The following NPAS1 variants were observed in gnomAD, a reference collection of about 807,000 sequenced individuals.
NPAS1 encodes neuronal PAS domain-containing protein 1.
Under a neutral mutation model 49.2 loss-of-function variants are expected in NPAS1, and 29 were observed. The observed-to-expected ratio is 0.59, with a 90% CI of 0.44 to 0.80. The LOEUF is 0.80. Among genes scored for constraint, NPAS1 ranks in the 30% least tolerant of loss-of-function variants. The pLI is 0.00. For synonymous variants in NPAS1, 408 were observed against 380.4 expected (o/e 1.07, Z -0.84); for missense variants, 825 against 835.5 (o/e 0.99, Z 0.15).
Position 47,038,946 on chromosome 19 carries a change from T to C in NPAS1, c.689-90T>C, listed in dbSNP as rs2056989582. ...CGGCCGTGGCCCAGCGGACATCTTG[T>C]GTCTATGTCCGGCTGGCTCTGCAAG... On this transcript the variant is annotated intron_variant, in intron 6 of 11. Coordinates refer to ENST00000602212, the MANE Select transcript of NPAS1 (RefSeq NM_002517.4). 5.5e-6 allele frequency: 6 copies of C among 1,088,414 alleles called. No homozygotes were observed. The Admixed American group carries it at 8.9e-5, about 16-fold the overall frequency. 67.4% of individuals were successfully genotyped at this position (1,088,414 alleles called of 1,614,324 possible). A position where few individuals can be genotyped will look rare whatever the true frequency, so the allele number is the denominator to read the frequency against.
At position 47,021,922 on chromosome 19, in the gene NPAS1, G is replaced by T; in HGVS notation, c.358+75G>T. ...CACTGCAGCCCAGATCCGGGCTGCGGGCCTGCCCTCGCCCAGATGCTTGTC... is the reference window on the plus strand; with the variant it reads ...CACTGCAGCCCAGATCCGGGCTGCGTGCCTGCCCTCGCCCAGATGCTTGTC... On this transcript the variant is annotated intron_variant, in intron 3 of 11. Transcript: ENST00000602212. This position sits in a 1 kb window ranked among gnomAD's most constrained non-coding sequence, Gnocchi z 5.7. 1.0e-6 allele frequency: 1 copy of T among 999,742 alleles called. No homozygotes were observed. Among genetic ancestry groups the T allele is most frequent in the Non-Finnish European group, 1.4e-6 (1 of 733,726 alleles). 61.9% of individuals were successfully genotyped at this position (999,742 alleles called of 1,614,324 possible). A position where few individuals can be genotyped will look rare whatever the true frequency, so the allele number is the denominator to read the frequency against.
At chr19:47,040,869 G>A in intron 9 of NPAS1, 109 bp from the exon 10 acceptor site, 2 of 914,108 alleles carry the variant, frequency 2.2e-6, no homozygotes, top group Admixed American at 3.1e-5. Context: ...CCGTCTCCCT[G>A]CCCACTCCCC....
At chr19:47,044,503 C>T (rs2057054526) in intron 11 of NPAS1, among the ~76,000 whole-genome samples, 1 of 152,250 alleles carries the variant, frequency 6.6e-6, no homozygotes, top group African/African-American at 2.4e-5. Context: ...ATTTCCATTA[C>T]CACAGAAAGC....
rs778680091 is a variant in NPAS1, at chr19:47,045,204, G to A, written c.1326G>A (p.Pro442=). 1.6e-5 allele frequency: 26 copies of A among 1,613,416 alleles called. No individual in the cohort carries two copies. Among genetic ancestry groups the A allele is most frequent in the Non-Finnish European group, 2.0e-5 (24 of 1,179,882 alleles). The change falls in exon 12 of 12, where the codon CCG becomes CCA. Residue 442 remains proline (P), a synonymous_variant. Coordinates refer to ENST00000602212, the MANE Select transcript of NPAS1 (RefSeq NM_002517.4). ...TTCCTCTTCCAGAGCCGGAGCCTCC[G>A]ACGGAAGGGAAGCAGGCTGCCCCAG... ...PGPEPTEPEP[P]TEGKQAAPAE...
At position 47,022,445 on chromosome 19, in the gene NPAS1, A is replaced by G. The variant is rs895836844; in HGVS notation, c.358+598A>G. Among the ~76,000 whole-genome samples the G allele has an allele frequency of 5.3e-5, 8 of 152,338 alleles. No individual in the cohort carries two copies. In the South Asian group the frequency reaches 1.7e-3, roughly 32 times the overall value. On this transcript the variant is annotated intron_variant, in intron 3 of 11. Coordinates refer to ENST00000602212, the MANE Select transcript of NPAS1 (RefSeq NM_002517.4). The stretch of plus-strand genomic sequence containing the variant: ...TCTCTGTGCCTTAATGTGAAGTGGG[A>G]AAAAACGGTCCAACCTCCCCCAGGG...
chr19:47,041,247 C>G, intron 10 of NPAS1, 122 bp downstream of exon 10: 1 of 948,274 alleles, frequency 1.1e-6, no homozygotes, highest in Non-Finnish European at 1.5e-6. Context: ...TCTGCAGACA[C>G]GAAGGGGAAG....
At chr19:47,027,850 G>A (rs1040377175) in intron 3 of NPAS1, among the ~76,000 whole-genome samples, 1 of 152,210 alleles carries the variant, frequency 6.6e-6, no homozygotes, top group Non-Finnish European at 1.5e-5. Context: ...GGACATGGGA[G>A]GGCGGATGTG....
chr19:47,030,972 T>A (rs182202473), intron 3 of NPAS1, among the ~76,000 whole-genome samples: 1 of 152,224 alleles, frequency 6.6e-6, no homozygotes, highest in East Asian at 1.9e-4. Flanking sequence ...CTTTTTGTTG[T>A]TGAGTTGTAG....
intron 3 of NPAS1, among the ~76,000 whole-genome samples, chr19:47,031,364 A>C (rs1177206323): frequency 6.6e-6 from 1 of 150,872 alleles, no homozygotes; most frequent in Non-Finnish European, 1.5e-5. Context: ...TGCCCAGCTA[A>C]TTTTTTTGTG....
Position 47,021,086 on chromosome 19 carries a change from G to A in NPAS1, c.39G>A (p.Glu13=). 1 of 1,604,844 alleles carries A rather than the reference G, an allele frequency of 6.2e-7. No homozygotes were observed. The highest frequency in any genetic ancestry group is 2.3e-5 in the East Asian group (1 of 43,820). Residue 13 remains glutamate (E), a synonymous_variant, in exon 2 of 12, where the codon GAG becomes GAA. Coordinates refer to ENST00000602212, the MANE Select transcript of NPAS1 (RefSeq NM_002517.4). This position sits in a 1 kb window ranked among gnomAD's most constrained non-coding sequence, Gnocchi z 5.7. ...APYPGSGGGS[E]VKCVGGRGAS... ...ATCCCGGCAGTGGCGGCGGAAGCGAGGTCAAATGCGTGGGAGGCCGCGGCG... is the reference window on the plus strand; with the variant it reads ...ATCCCGGCAGTGGCGGCGGAAGCGAAGTCAAATGCGTGGGAGGCCGCGGCG...
rs373806520 is a variant in NPAS1 at position 47,045,373 on chromosome 19, C to T, written c.1495C>T (p.Arg499Trp). Reference protein sequence around the residue: ...TPRPEFTSVIRAGVLKQDPVR... With the variant: ...TPRPEFTSVIWAGVLKQDPVR... ...GAGGCCCGAGTTCACCTCTGTCATC[C>T]GGGCAGGGGTCCTGAAGCAGGATCC... Residue 499 changes from arginine to tryptophan, a missense_variant, in exon 12 of 12, where the codon CGG (arginine) becomes TGG (tryptophan). Arg to Trp is a moderately radical substitution (Grantham distance 101). Coordinates refer to ENST00000602212, the MANE Select transcript of NPAS1 (RefSeq NM_002517.4). The T allele has an allele frequency of 9.3e-6, 15 of 1,613,304 alleles. No homozygotes were observed. Among genetic ancestry groups the T allele is most frequent in the South Asian group, 4.4e-5 (4 of 91,064 alleles).
At chr19:47,026,822 G>A (rs1392371768) in intron 3 of NPAS1, among the ~76,000 whole-genome samples, 1 of 126,380 alleles carries the variant, frequency 7.9e-6, no homozygotes, top group African/African-American at 3.3e-5. Flanking sequence ...GGGCATGGTG[G>A]TGGTGCCTGT....
intron 6 of NPAS1, among the ~76,000 whole-genome samples, chr19:47,038,763 G>T (rs2056987283): frequency 6.6e-6 from 1 of 152,106 alleles, no homozygotes; most frequent in Non-Finnish European, 1.5e-5. Context: ...GGAGGCGGAG[G>T]TTGCAGTGAG....
chr19:47,021,215 C>T lies in NPAS1; in HGVS notation c.122+46C>T, dbSNP rs1412026207. 4.1e-6 allele frequency: 6 copies of T among 1,453,988 alleles called. No homozygotes were observed. The highest frequency in any genetic ancestry group is 5.5e-6 in the Non-Finnish European group (6 of 1,089,726). The allele number at this position is 1,453,988 out of a possible 1,614,324, so 90.1% of individuals were successfully genotyped here. A position where few individuals can be genotyped will look rare whatever the true frequency, so the allele number is the denominator to read the frequency against. On this transcript the variant is annotated intron_variant, in intron 2 of 11. Coordinates refer to ENST00000602212, the MANE Select transcript of NPAS1 (RefSeq NM_002517.4). The surrounding 1 kb of genome is among the most constrained non-coding windows in gnomAD (Gnocchi z 5.7). ...CTGGCCGCGGGCCCCCCCCCGGGTC[C>T]AATTCACACCCGATGTTCTGTCCCC...
intron 3 of NPAS1, among the ~76,000 whole-genome samples, chr19:47,029,259 G>T (rs4802328): frequency 0.64 from 96,903 of 151,446 alleles, 31,176 homozygotes; most frequent in African/African-American, 0.69. Flanking sequence ...TTTTTCTGTA[G>T]TTTTAGTAGA....
intron 3 of NPAS1, among the ~76,000 whole-genome samples, chr19:47,031,092 C>T (rs2056902231): frequency 6.6e-6 from 1 of 152,230 alleles, no homozygotes; most frequent in South Asian, 2.1e-4. Flanking sequence ...CCTTCAACAG[C>T]CCTAACTCCA....
At chr19:47,033,223 C>G (rs1474930496) in intron 5 of NPAS1, among the ~76,000 whole-genome samples, 2 of 151,210 alleles carry the variant, frequency 1.3e-5, no homozygotes, top group Non-Finnish European at 2.9e-5. Flanking sequence ...GTGTGAGCCA[C>G]TGTCCTGGCT....
chr19:47,041,325 C>T (rs1455853660), intron 10 of NPAS1, among the ~76,000 whole-genome samples, 200 bp downstream of exon 10: 3 of 152,112 alleles, frequency 2.0e-5, no homozygotes, highest in African/African-American at 7.2e-5. Context: ...AGAGAGGAGT[C>T]GCCAGGGGGA....
In NPAS1 at chr19:47,021,574, G is replaced by A. The variant is rs1424549775; in HGVS notation, c.123-38G>A. 1.5e-6 allele frequency: 2 copies of A among 1,378,992 alleles called. No homozygotes were observed. Among genetic ancestry groups the A allele is most frequent in the Non-Finnish European group, 9.5e-7 (1 of 1,052,162 alleles). The allele number at this position is 1,378,992 out of a possible 1,614,324, so 85.4% of individuals were successfully genotyped here. A position where few individuals can be genotyped will look rare whatever the true frequency, so the allele number is the denominator to read the frequency against. On this transcript the variant is annotated intron_variant, in intron 2 of 11. Transcript: ENST00000602212. This position sits in a 1 kb window ranked among gnomAD's most constrained non-coding sequence, Gnocchi z 5.7. ...CCCAGTTCCCAAGCCCCTGAGCCCC[G>A]GGGCCCCGCCGACACCTCCTCCGCG...
Sources: allele counts gnomAD v4.1 joint callset (sites outside exome capture counted in the v4.1 genomes callset), GRCh38; gene constraint gnomAD v4.1.1; non-coding constraint Gnocchi (gnomAD v3.1); transcripts MANE v1.5; gene names NCBI Gene and HGNC (gene_info 2026-07-23, HGNC 2026-07-21).